CRTC3: variants seen among roughly 807,000 people sequenced by gnomAD.
CRTC3 encodes the protein CREB-regulated transcription coactivator 3.
Under a neutral mutation model 74.5 loss-of-function variants are expected in CRTC3, and 26 were observed. The observed-to-expected ratio is 0.35, with a 90% CI of 0.26 to 0.48. CRTC3 has a LOEUF of 0.48. Ranked by LOEUF, CRTC3 falls within the 20% of genes least tolerant of loss-of-function variation. The pLI, the probability that CRTC3 is intolerant of heterozygous loss-of-function variation, is 0.99. For missense variants in CRTC3, 760 were observed against 787.3 expected (o/e 0.97, Z 0.41); for synonymous variants, 377 against 325.8 (o/e 1.16, Z -1.69).
At chr15:90,575,072 G>A (rs1039058458) in intron 2 of CRTC3, among the ~76,000 whole-genome samples, 1 of 152,102 alleles carries the variant, frequency 6.6e-6, no homozygotes, top group South Asian at 2.1e-4. Flanking sequence ...AATGTTGGCT[G>A]GATGCAGTGG....
At chr15:90,545,195 G>C (rs557897740) in intron 2 of CRTC3, among the ~76,000 whole-genome samples, 2 of 152,140 alleles carry the variant, frequency 1.3e-5, no homozygotes, top group Non-Finnish European at 2.9e-5. Context: ...TTTCAAGGCT[G>C]AGTAACATTT....
At chr15:90,565,263 A>G (rs189543201) in intron 2 of CRTC3, among the ~76,000 whole-genome samples, 60 of 152,192 alleles carry the variant, frequency 3.9e-4, no homozygotes, top group Non-Finnish European at 6.0e-4. Flanking sequence ...AAGCTTTCTA[A>G]GTCTCGGTTT....
At chr15:90,587,083 T>A (rs1967682291) in intron 2 of CRTC3, among the ~76,000 whole-genome samples, 1 of 152,224 alleles carries the variant, frequency 6.6e-6, no homozygotes, top group South Asian at 2.1e-4. Flanking sequence ...AATGCAAATG[T>A]AGGTCACATT....
chr15:90,594,795 T>C (rs1967881432), intron 3 of CRTC3: 2 of 151,982 alleles, frequency 1.3e-5, no homozygotes, highest in African/African-American at 4.8e-5. Flanking sequence ...CAGGCCCCGC[T>C]GATGGCCCAG....
At chr15:90,634,688 C>T (rs1969168100) in intron 11 of CRTC3, 3 of 639,642 alleles carry the variant, frequency 4.7e-6, no homozygotes, top group Admixed American at 2.3e-5. Context: ...TGCGGCTCTA[C>T]ACTAGAGCGG....
intron 2 of CRTC3, among the ~76,000 whole-genome samples, chr15:90,543,476 A>G (rs1373804846): frequency 6.6e-6 from 1 of 151,976 alleles, no homozygotes; most frequent in Non-Finnish European, 1.5e-5. Context: ...ATGATTTTCT[A>G]TTTTATTCAA....
intron 2 of CRTC3, among the ~76,000 whole-genome samples, chr15:90,544,963 G>T (rs946550261): frequency 6.6e-6 from 1 of 152,092 alleles, no homozygotes; most frequent in Non-Finnish European, 1.5e-5. Context: ...TTTTTCATCT[G>T]ACAAAACTGA....
intron 2 of CRTC3, among the ~76,000 whole-genome samples, chr15:90,562,128 C>T (rs952578830): frequency 6.6e-6 from 1 of 152,232 alleles, no homozygotes; most frequent in African/African-American, 2.4e-5. Flanking sequence ...CCATTTTCTC[C>T]TGTAACCTCT....
rs943562354 is a variant in CRTC3 at position 90,530,027 on chromosome 15, C to G, written c.-45C>G. The G allele has an allele frequency of 1.0e-5, 14 of 1,359,312 alleles. No homozygotes were observed. The South Asian group carries it at 1.9e-4, about 18-fold the overall frequency. The allele number at this position is 1,359,312 out of a possible 1,614,324, so 84.2% of individuals were successfully genotyped here. ...CGGACGGGTGGGCCGAGGTACAGGC[C>G]CCACGGCCGCCGTCTCCCGCTTCTG... On this transcript the variant is annotated 5_prime_UTR_variant, in exon 1 of 15. Transcript: ENST00000268184. This position sits in a 1 kb window ranked among gnomAD's most constrained non-coding sequence, Gnocchi z 6.2.
At chr15:90,568,310 C>T (rs1046103112) in intron 2 of CRTC3, among the ~76,000 whole-genome samples, 1 of 152,074 alleles carries the variant, frequency 6.6e-6, no homozygotes, top group African/African-American at 2.4e-5. Flanking sequence ...TTTTAAAATA[C>T]CACATAAGTT....
rs5814439 is a variant in CRTC3 at position 90,551,944 on chromosome 15, GCACACA to G, written c.231+11826_231+11831del. Among the ~76,000 whole-genome samples, 56 of 129,216 alleles carry G rather than the reference GCACACA, an allele frequency of 4.3e-4. No homozygotes were observed. The Middle Eastern group carries it at 0.015, about 35-fold the overall frequency. 84.8% of individuals were successfully genotyped at this position (129,216 alleles called of 152,430 possible). A position where few individuals can be genotyped will look rare whatever the true frequency, so the allele number is the denominator to read the frequency against. On this transcript the variant is annotated intron_variant, in intron 2 of 14. Transcript: ENST00000268184. ...ATTACACACACGCACACACACACAC[GCACACA>G]CACACACACACACACACAAATGTCT...
chr15:90,615,865 T>C (rs1319287246), intron 7 of CRTC3, among the ~76,000 whole-genome samples: 1 of 151,870 alleles, frequency 6.6e-6, no homozygotes, highest in Non-Finnish European at 1.5e-5. Context: ...TTTTTATTTT[T>C]ATTTTTTTTT....
intron 5 of CRTC3, among the ~76,000 whole-genome samples, chr15:90,605,901 T>G (rs1172799195): frequency 6.6e-6 from 1 of 152,246 alleles, no homozygotes; most frequent in Non-Finnish European, 1.5e-5. Context: ...TGGGAGAATT[T>G]CAGAAATTTG....
intron 2 of CRTC3, among the ~76,000 whole-genome samples, chr15:90,547,070 A>G (rs1010460174): frequency 1.3e-5 from 2 of 152,246 alleles, no homozygotes; most frequent in African/African-American, 4.8e-5. Context: ...GCTTATAATC[A>G]TTTATATACA....
intron 6 of CRTC3, among the ~76,000 whole-genome samples, chr15:90,613,399 A>G (rs1968413282): frequency 6.6e-6 from 1 of 152,094 alleles, no homozygotes; most frequent in Non-Finnish European, 1.5e-5. Context: ...TGCTTCATTT[A>G]TCGACCTCTT....
intron 9 of CRTC3, chr15:90,620,160 A>C (rs1221246505): frequency 8.3e-6 from 2 of 239,884 alleles, no homozygotes; most frequent in Non-Finnish European, 1.6e-5. Context: ...CATCCTGGCC[A>C]GGGGAAAAGG....
Position 90,534,111 on chromosome 15 carries a change from G to A in CRTC3, c.132+3908G>A, listed in dbSNP as rs573097139. 5.9e-5 allele frequency among the ~76,000 whole-genome samples: 9 copies of A among 152,260 alleles called. No individual in the cohort carries two copies. In the East Asian group the frequency reaches 9.6e-4, roughly 16 times the overall value. On this transcript the variant is annotated intron_variant, in intron 1 of 14. Transcript: ENST00000268184. ...CGTGGTGGGTAGAAGAGAGGAGGAGGAGGATTTTAGTAGGAGATGTGATAG... is the reference window on the plus strand; with the variant it reads ...CGTGGTGGGTAGAAGAGAGGAGGAGAAGGATTTTAGTAGGAGATGTGATAG...
chr15:90,610,690 T>A (rs531726334), intron 6 of CRTC3, among the ~76,000 whole-genome samples: 42 of 152,202 alleles, frequency 2.8e-4, no homozygotes, highest in Admixed American at 7.9e-4. Flanking sequence ...CATGTGCACC[T>A]TAATGACCAT....
In CRTC3 at chr15:90,644,487, C is replaced by G. The variant is rs1318303815; in HGVS notation, c.*2347C>G. ...CCACCCTGCCTGGCAACAGAGACCC[C>G]AAGACCTACACAGTGAACCCTACTG... is the stretch of plus-strand genomic sequence containing the variant. On this transcript the variant is annotated 3_prime_UTR_variant, in exon 15 of 15. Transcript: ENST00000268184. 4.3e-6 allele frequency: 1 copy of G among 232,418 alleles called. No homozygotes were observed. The highest frequency in any genetic ancestry group is 8.5e-6 in the Non-Finnish European group (1 of 117,554). 14.4% of individuals were successfully genotyped at this position (232,418 alleles called of 1,614,324 possible).
Sources: gnomAD v4.1 joint callset for allele counts (sites outside exome capture counted in the v4.1 genomes callset) on GRCh38, gnomAD v4.1.1 for gene constraint, Gnocchi (gnomAD v3.1) non-coding constraint, MANE v1.5 for transcripts, NCBI Gene and HGNC (gene_info 2026-07-23, HGNC 2026-07-21) for gene names.